PPP2R5E: variants seen among roughly 807,000 people sequenced by gnomAD.
The protein encoded by PPP2R5E is serine/threonine-protein phosphatase 2A 56 kDa regulatory subunit epsilon isoform.
A neutral mutation model predicts 65.3 loss-of-function variants in PPP2R5E; 4 were observed. The observed-to-expected ratio is 0.06, with a 90% CI of 0.03 to 0.14. The LOEUF (loss-of-function observed/expected upper bound fraction) is 0.14, where lower values mean the gene tolerates loss of function less well. PPP2R5E is among the 10% of genes least tolerant of loss of function. The probability of loss-of-function intolerance (pLI) is 1.00; values close to 1 mark genes in which losing one functional copy is unlikely to be tolerated. For synonymous variants in PPP2R5E, 183 were observed against 187.4 expected, an observed-to-expected ratio of 0.98 and a Z score of 0.19; for missense variants, 274 against 556.1, an observed-to-expected ratio of 0.49 and a Z score of 5.10.
intron 2 of PPP2R5E, among the ~76,000 whole-genome samples, chr14:63,469,072 TAATC>T (rs1445134864): frequency 6.6e-6 from 1 of 152,178 alleles, no homozygotes; most frequent in East Asian, 1.9e-4. Flanking sequence ...ATGTTTAACT[TAATC>T]ATTCATTCAT....
chr14:63,425,204 G>A (rs1019829502), intron 3 of PPP2R5E, among the ~76,000 whole-genome samples: 2 of 152,162 alleles, frequency 1.3e-5, no homozygotes, highest in Non-Finnish European at 2.9e-5. Context: ...TTTTGCTATC[G>A]CTAATGACAG....
intron 2 of PPP2R5E, among the ~76,000 whole-genome samples, chr14:63,506,273 AC>A (rs1892170654): frequency 6.6e-6 from 1 of 151,724 alleles, no homozygotes; most frequent in Non-Finnish European, 1.5e-5. Context: ...ACATGCTGAA[AC>A]CCCGTCTCTA....
At chr14:63,386,436 A>T (rs1437704437) in intron 11 of PPP2R5E, among the ~76,000 whole-genome samples, 3 of 152,196 alleles carry the variant, frequency 2.0e-5, no homozygotes, top group Admixed American at 6.5e-5. Context: ...CAAAGTCTCT[A>T]TTCTTAACCT....
chr14:63,485,710 A>G (rs968287689), intron 2 of PPP2R5E, among the ~76,000 whole-genome samples: 2 of 151,756 alleles, frequency 1.3e-5, no homozygotes, highest in Non-Finnish European at 2.9e-5. Flanking sequence ...CACCGCGCCC[A>G]GCCAGCCATG....
chr14:63,453,373 T>C (rs1032806797), intron 3 of PPP2R5E: 1 of 186,584 alleles, frequency 5.4e-6, no homozygotes, highest in Non-Finnish European at 1.1e-5. Context: ...CAAACACGGA[T>C]CTAAGACTTT....
chr14:63,391,396 TTTTGC>T (rs201296994), intron 10 of PPP2R5E, among the ~76,000 whole-genome samples: 8,326 of 150,256 alleles, frequency 0.055, 454 homozygotes, highest in African/African-American at 0.14. Context: ...GATGATGCAG[TTTTGC>T]TTTGTTTTGT....
chr14:63,489,540 G>A lies in PPP2R5E; in HGVS notation c.158-35655C>T, dbSNP rs1249589888. 4.0e-5 allele frequency among the ~76,000 whole-genome samples: 6 copies of A among 151,564 alleles called. No individual in the cohort carries two copies. In the East Asian group the frequency reaches 1.2e-3, roughly 29 times the overall value. ...TCCTCCCACCTCAGCCTCCCAAGTA[G>A]CTGGGACTACCGGTGCAGACCACCA... On this transcript the variant is annotated intron_variant, in intron 2 of 13. Transcript: ENST00000337537.
At chr14:63,389,025 T>C (rs544371490) in intron 11 of PPP2R5E, among the ~76,000 whole-genome samples, 9 of 152,162 alleles carry the variant, frequency 5.9e-5, no homozygotes, top group African/African-American at 1.9e-4. Context: ...GGCAGAGCAG[T>C]GCTATGGGAA....
intron 5 of PPP2R5E, among the ~76,000 whole-genome samples, chr14:63,408,025 C>A (rs1202935156): frequency 6.6e-6 from 1 of 152,222 alleles, no homozygotes; most frequent in Non-Finnish European, 1.5e-5. Context: ...GACAAAAATA[C>A]TAACATTATT....
At chr14:63,518,715 A>G (rs1892761177) in intron 2 of PPP2R5E, among the ~76,000 whole-genome samples, 1 of 152,202 alleles carries the variant, frequency 6.6e-6, no homozygotes, top group Admixed American at 6.5e-5. Flanking sequence ...TTACCATGAC[A>G]AGAGAACTTT....
intron 3 of PPP2R5E, among the ~76,000 whole-genome samples, chr14:63,445,619 C>T (rs1566707713): frequency 6.6e-6 from 1 of 151,940 alleles, no homozygotes. Flanking sequence ...CTGAGGCGGG[C>T]AGATCACAGG....
At chr14:63,512,153 C>A (rs1414135112) in intron 2 of PPP2R5E, among the ~76,000 whole-genome samples, 2 of 145,348 alleles carry the variant, frequency 1.4e-5, no homozygotes, top group African/African-American at 2.5e-5. Context: ...TACAATGTAT[C>A]TTTTCAATGT....
At chr14:63,491,619 G>A (rs1311025335) in intron 2 of PPP2R5E, among the ~76,000 whole-genome samples, 2 of 152,056 alleles carry the variant, frequency 1.3e-5, no homozygotes, top group Non-Finnish European at 2.9e-5. Flanking sequence ...AGGCCAAGGT[G>A]GGCAGATCAC....
At chr14:63,528,804 TA>T (rs1173147348) in intron 2 of PPP2R5E, among the ~76,000 whole-genome samples, 1 of 152,042 alleles carries the variant, frequency 6.6e-6, no homozygotes, top group Non-Finnish European at 1.5e-5. Context: ...AAATGTGAAA[TA>T]AAAATGTTCG....
In PPP2R5E at chr14:63,375,761, A is replaced by C; in HGVS notation, c.*248T>G. On this transcript the variant is annotated 3_prime_UTR_variant, in exon 14 of 14. Transcript: ENST00000337537. ...TCTTTGAAGACCGATTTTTTTTTTT[A>C]AAAGAGGGTGAGAACAATGATTATG... The C allele has an allele frequency of 3.7e-6, 1 of 269,280 alleles. No individual in the cohort carries two copies. 16.7% of individuals were successfully genotyped at this position (269,280 alleles called of 1,614,324 possible). A position where few individuals can be genotyped will look rare whatever the true frequency, so the allele number is the denominator to read the frequency against.
chr14:63,395,305 GGGAGGAGAAA>G lies in PPP2R5E; in HGVS notation c.681-30_681-21del, dbSNP rs780629579. ...ACAAACCTGAGAGAAGAGGAGAAAA[GGGAGGAGAAA>G]GGAGGAGAGGAGGAGGAGAAGGAAG... On this transcript the variant is annotated intron_variant, in intron 6 of 13. Coordinates refer to ENST00000337537, the MANE Select transcript of PPP2R5E (RefSeq NM_006246.5). The G allele has an allele frequency of 2.4e-5, 38 of 1,562,130 alleles. No individual in the cohort carries two copies. The highest frequency in any genetic ancestry group is 2.4e-4 in the Admixed American group (14 of 59,334).
At chr14:63,504,600 A>G (rs1044768988) in intron 2 of PPP2R5E, among the ~76,000 whole-genome samples, 1 of 152,168 alleles carries the variant, frequency 6.6e-6, no homozygotes, top group Non-Finnish European at 1.5e-5. Context: ...AGGAAAAAGA[A>G]GTCAATCAAG....
chr14:63,525,129 C>T (rs577512592), intron 2 of PPP2R5E, among the ~76,000 whole-genome samples: 13 of 152,306 alleles, frequency 8.5e-5, no homozygotes, highest in African/African-American at 1.7e-4. Context: ...TTAAATGAGA[C>T]GCCATGTGGT....
At chr14:63,426,636 A>T (rs1200413777) in intron 3 of PPP2R5E, among the ~76,000 whole-genome samples, 1 of 150,940 alleles carries the variant, frequency 6.6e-6, no homozygotes, top group South Asian at 2.1e-4. Context: ...ACTTGTTTAT[A>T]TAAGACTACT....
Sources: allele counts gnomAD v4.1 joint callset (sites outside exome capture counted in the v4.1 genomes callset), GRCh38; gene constraint gnomAD v4.1.1; transcripts MANE v1.5; gene names NCBI Gene and HGNC (gene_info 2026-07-23, HGNC 2026-07-21).